Variants in ATG10 observed in about 807,000 individuals in gnomAD.
ATG10 encodes autophagy related 10.
In ATG10, 30 loss-of-function variants were observed where a neutral mutation model predicts 32.1. The observed-to-expected ratio is 0.94, with a 90% CI of 0.70 to 1.27. The LOEUF is 1.27. Among genes scored for constraint, ATG10 ranks in the 50% most tolerant of loss-of-function variants. The probability of loss-of-function intolerance (pLI) is 0.00; values close to 1 mark genes in which losing one functional copy is unlikely to be tolerated. For missense variants in ATG10, 233 were observed against 262.3 expected, an observed-to-expected ratio of 0.89 and a Z score of 0.77; for synonymous variants, 87 against 91.5, an observed-to-expected ratio of 0.95 and a Z score of 0.28.
chr5:82,057,583 A>G (rs1312305329), intron 2 of ATG10, among the ~76,000 whole-genome samples: 4 of 152,306 alleles, frequency 2.6e-5, no homozygotes, highest in East Asian at 3.9e-4. Context: ...TAATTCTATT[A>G]AAATGTAAAT....
At chr5:82,203,328 G>A (rs573330537) in intron 5 of ATG10, among the ~76,000 whole-genome samples, 1 of 152,138 alleles carries the variant, frequency 6.6e-6, no homozygotes, top group South Asian at 2.1e-4. Context: ...TCCCTGCACA[G>A]TTCCACAGTG....
chr5:81,993,367 T>C (rs796662119), intron 2 of ATG10, among the ~76,000 whole-genome samples: 3,588 of 19,936 alleles, frequency 0.18, 268 homozygotes, highest in East Asian at 0.34. Context: ...TTCCTTCTTT[T>C]CTTTTCTTTT....
At chr5:82,081,840 C>T (rs1764493322) in intron 3 of ATG10, among the ~76,000 whole-genome samples, 1 of 152,110 alleles carries the variant, frequency 6.6e-6, no homozygotes. Flanking sequence ...GTGTCTCTGC[C>T]AGGCCTTGGT....
intron 2 of ATG10, among the ~76,000 whole-genome samples, chr5:82,008,888 A>G (rs1762054046): frequency 1.3e-5 from 2 of 152,262 alleles, no homozygotes; most frequent in African/African-American, 4.8e-5. Flanking sequence ...GATTGGATGT[A>G]TATCAGAATC....
intron 2 of ATG10, among the ~76,000 whole-genome samples, chr5:82,037,234 CTTTTTTTTTTTTTT>C (rs1166784267): frequency 1.9e-4 from 7 of 36,944 alleles, no homozygotes; most frequent in East Asian, 9.7e-4. Flanking sequence ...ATCTCATTTA[CTTTTTTTTTTTTTT>C]TTTTTTTTTT....
At chr5:82,214,720 G>A (rs757407405) in intron 5 of ATG10, among the ~76,000 whole-genome samples, 2 of 152,202 alleles carry the variant, frequency 1.3e-5, no homozygotes, top group African/African-American at 2.4e-5. Context: ...TTCTGCAAGA[G>A]AGTGGATCTC....
At chr5:82,044,525 A>G (rs1763179124) in intron 2 of ATG10, among the ~76,000 whole-genome samples, 2 of 152,072 alleles carry the variant, frequency 1.3e-5, no homozygotes. Flanking sequence ...ATTGAAAGCC[A>G]GACATTGTGA....
At chr5:82,005,840 T>C (rs1386746429) in intron 2 of ATG10, among the ~76,000 whole-genome samples, 1 of 152,172 alleles carries the variant, frequency 6.6e-6, no homozygotes, top group Admixed American at 6.5e-5. Flanking sequence ...CTTGAGATTA[T>C]ATTTTATACA....
At chr5:82,213,096 T>C (rs1185974634) in intron 5 of ATG10, among the ~76,000 whole-genome samples, 1 of 152,212 alleles carries the variant, frequency 6.6e-6, no homozygotes, top group Non-Finnish European at 1.5e-5. Context: ...TCTTCCCAGC[T>C]TCTCAGGCCA....
chr5:82,171,430 C>A (rs1425294475), intron 4 of ATG10, among the ~76,000 whole-genome samples: 1 of 152,030 alleles, frequency 6.6e-6, no homozygotes, highest in Non-Finnish European at 1.5e-5. Flanking sequence ...ACTTTTAAAC[C>A]ATCTATTTGT....
At chr5:81,983,209 G>C (rs1442948112) in intron 1 of ATG10, among the ~76,000 whole-genome samples, 1 of 149,724 alleles carries the variant, frequency 6.7e-6, no homozygotes, top group Non-Finnish European at 1.5e-5. Flanking sequence ...CCTCCCGGAC[G>C]GGGCGACTGG....
intron 5 of ATG10, among the ~76,000 whole-genome samples, chr5:82,244,237 A>G (rs1028679337): frequency 6.6e-6 from 1 of 152,198 alleles, no homozygotes; most frequent in South Asian, 2.1e-4. Flanking sequence ...TTTAAAATCA[A>G]TAAATAGATT....
chr5:82,007,792 C>G (rs1176879989), intron 2 of ATG10, among the ~76,000 whole-genome samples: 1 of 151,814 alleles, frequency 6.6e-6, no homozygotes, highest in African/African-American at 2.4e-5. Context: ...TTTACTTTGC[C>G]TACCCATTTA....
chr5:82,032,953 A>C (rs1762785154), intron 2 of ATG10, among the ~76,000 whole-genome samples: 1 of 152,144 alleles, frequency 6.6e-6, no homozygotes, highest in Non-Finnish European at 1.5e-5. Flanking sequence ...TCTGTTTGGG[A>C]TGGAGCTCAT....
intron 2 of ATG10, among the ~76,000 whole-genome samples, chr5:82,017,102 CT>C (rs1316770027): frequency 6.6e-6 from 1 of 151,158 alleles, no homozygotes; most frequent in Non-Finnish European, 1.5e-5. Flanking sequence ...TATAGTTTTC[CT>C]TGTAGAGATC....
At chr5:82,235,047 G>A (rs766907980) in intron 5 of ATG10, among the ~76,000 whole-genome samples, 60 of 152,236 alleles carry the variant, frequency 3.9e-4, no homozygotes, top group Non-Finnish European at 7.9e-4. Flanking sequence ...CATCACACAC[G>A]TGAATTACCT....
chr5:82,133,820 A>G (rs1023951288), intron 3 of ATG10, among the ~76,000 whole-genome samples: 2 of 152,008 alleles, frequency 1.3e-5, no homozygotes, highest in Non-Finnish European at 2.9e-5. Flanking sequence ...CAGTATGGCC[A>G]TTTTCACGAT....
At chr5:82,140,132 G>A (rs1202806839) in intron 3 of ATG10, among the ~76,000 whole-genome samples, 9 of 115,870 alleles carry the variant, frequency 7.8e-5, no homozygotes, top group East Asian at 2.9e-4. Flanking sequence ...CTGCCCGGCC[G>A]CCCCTTCTGG....
chr5:82,086,304 C>G (rs1313505235), intron 3 of ATG10, among the ~76,000 whole-genome samples: 1 of 151,790 alleles, frequency 6.6e-6, no homozygotes, highest in African/African-American at 2.4e-5. Context: ...TATTAATAAG[C>G]CAATCATAAT....
Sources: allele counts gnomAD v4.1 joint callset (sites outside exome capture counted in the v4.1 genomes callset), GRCh38; gene constraint gnomAD v4.1.1; transcripts MANE v1.5; gene names NCBI Gene and HGNC (gene_info 2026-07-23, HGNC 2026-07-21).